Variants in SUPT3H observed in about 807,000 individuals in gnomAD.
SUPT3H encodes the protein SPT3 homolog, SAGA and STAGA complex component, also known as transcription initiation protein SPT3 homolog.
A neutral mutation model predicts 44.3 loss-of-function variants in SUPT3H; 44 were observed. The observed-to-expected ratio is 0.99, with a 90% confidence interval of 0.78 to 1.28. The LOEUF is 1.28. Ranked by LOEUF, SUPT3H falls within the 50% of genes most tolerant of loss-of-function variation. SUPT3H has a pLI of 0.00. For missense variants in SUPT3H, 380 were observed against 387.1 expected (o/e 0.98, Z 0.15); for synonymous variants, 124 against 125.6 (o/e 0.99, Z 0.09).
At chr6:45,097,000 CAA>C (rs201845016) in intron 3 of SUPT3H, among the ~76,000 whole-genome samples, 2,716 of 152,046 alleles carry the variant, frequency 0.018, 38 homozygotes, top group Non-Finnish European at 0.027. Flanking sequence ...TGCTGTAGGA[CAA>C]AGAGAGTGTA....
At chr6:45,323,045 G>C in intron 2 of SUPT3H, 1 of 864,848 alleles carries the variant, frequency 1.2e-6, no homozygotes, top group South Asian at 1.9e-5. Flanking sequence ...TGATATTCAT[G>C]TTTAAATTAT....
intron 10 of SUPT3H, among the ~76,000 whole-genome samples, chr6:44,894,531 T>C (rs1465616707): frequency 2.6e-5 from 4 of 152,276 alleles, no homozygotes; most frequent in Non-Finnish European, 4.4e-5. Context: ...CAGATAGTTG[T>C]AGATATGCGG....
At chr6:45,119,247 T>C (rs536259776) in intron 2 of SUPT3H, among the ~76,000 whole-genome samples, 2 of 152,362 alleles carry the variant, frequency 1.3e-5, no homozygotes, top group South Asian at 4.1e-4. Flanking sequence ...TATAGTTATG[T>C]AGTTACATAG....
At chr6:44,927,586 AGTATGCAAAACCTAGCTG>A (rs1206430501) in intron 10 of SUPT3H, among the ~76,000 whole-genome samples, 1 of 152,236 alleles carries the variant, frequency 6.6e-6, no homozygotes, top group Non-Finnish European at 1.5e-5. Context: ...CCACAGAGCT[AGTATGCAAAACCTAGCTG>A]GTATGCAAAA....
At chr6:45,339,897 T>C (rs764464694) in intron 2 of SUPT3H, among the ~76,000 whole-genome samples, 105 of 152,328 alleles carry the variant, frequency 6.9e-4, no homozygotes, top group Non-Finnish European at 1.3e-3. Flanking sequence ...TACCGGGTAC[T>C]ATGCTAAGCC....
In SUPT3H at chr6:44,999,103, T is replaced by C. The variant is rs534332210; in HGVS notation, c.504+4550A>G. ...TTCCGTTATTACTTTCTAGGTTTTC[T>C]TTCCATTCTGGTAAAGTAATATGCC... On this transcript the variant is annotated intron_variant, in intron 6 of 10. Coordinates refer to ENST00000371459, the MANE Select transcript of SUPT3H (RefSeq NM_003599.4). Among the ~76,000 whole-genome samples the C allele has an allele frequency of 7.9e-5, 12 of 152,228 alleles. No individual in the cohort carries two copies. The East Asian group carries it at 2.1e-3, about 27-fold the overall frequency.
At position 45,100,541 on chromosome 6, in the gene SUPT3H, TAAAAAAA is replaced by T. The variant is rs58120512; in HGVS notation, c.186+5374_186+5380del. Among the ~76,000 whole-genome samples the T allele has an allele frequency of 4.1e-3, 138 of 33,454 alleles. 5 individuals carry two copies. Among genetic ancestry groups the T allele is most frequent in the African/African-American group, 0.022 (123 of 5,658 alleles). 21.9% of individuals were successfully genotyped at this position (33,454 alleles called of 152,430 possible). A position where few individuals can be genotyped will look rare whatever the true frequency, so the allele number is the denominator to read the frequency against. ...GGGCATCATAGCAAGACCCTGTACTTAAAAAAAAAAAAAAAAAAAAAAAGACACACAA... is the reference window on the plus strand; with the variant it reads ...GGGCATCATAGCAAGACCCTGTACTTAAAAAAAAAAAAAAAAGACACACAA... On this transcript the variant is annotated intron_variant, in intron 3 of 10. Transcript: ENST00000371459.
In SUPT3H at chr6:45,367,362, C is replaced by A. The variant is rs566145693; in HGVS notation, c.1-2061G>T. 1.1e-3 allele frequency among the ~76,000 whole-genome samples: 169 copies of A among 151,888 alleles called. 2 individuals carry two copies. The highest frequency in any genetic ancestry group is 3.8e-3 in the African/African-American group (156 of 41,426). On this transcript the variant is annotated intron_variant, in intron 1 of 10. Coordinates refer to ENST00000371459, the MANE Select transcript of SUPT3H (RefSeq NM_003599.4). ...AAGAAAGACCATCGCTTTTTTTAAGCCTAAATTTGTGCCATTGTTTAAAAA... is the reference window on the plus strand; with the variant it reads ...AAGAAAGACCATCGCTTTTTTTAAGACTAAATTTGTGCCATTGTTTAAAAA...
intron 10 of SUPT3H, among the ~76,000 whole-genome samples, chr6:44,870,012 C>G (rs1250312605): frequency 2.0e-5 from 3 of 152,182 alleles, no homozygotes; most frequent in Non-Finnish European, 4.4e-5. Flanking sequence ...GGTACCCAAA[C>G]ACCTATAACC....
At chr6:45,083,214 C>T (rs555342530) in intron 3 of SUPT3H, among the ~76,000 whole-genome samples, 8 of 150,376 alleles carry the variant, frequency 5.3e-5, no homozygotes, top group African/African-American at 1.5e-4. Context: ...ATTTTTCAGA[C>T]GGAGTCTCAC....
intron 10 of SUPT3H, among the ~76,000 whole-genome samples, chr6:44,929,834 C>A (rs1408404966): frequency 6.6e-6 from 1 of 151,284 alleles, no homozygotes; most frequent in South Asian, 2.1e-4. Flanking sequence ...GCGTTATTGA[C>A]ACACACAGTC....
chr6:44,917,031 G>A (rs1767919387), intron 10 of SUPT3H, among the ~76,000 whole-genome samples: 1 of 151,946 alleles, frequency 6.6e-6, no homozygotes, highest in South Asian at 2.1e-4. Flanking sequence ...GTATACGTCT[G>A]TAGTCCCAGC....
At chr6:44,943,009 A>G (rs1253587748) in intron 9 of SUPT3H, among the ~76,000 whole-genome samples, 3 of 152,196 alleles carry the variant, frequency 2.0e-5, no homozygotes, top group African/African-American at 7.2e-5. Flanking sequence ...CAAAATTACC[A>G]GACATGCAAA....
chr6:45,325,979 C>A (rs939788872), intron 2 of SUPT3H, among the ~76,000 whole-genome samples: 3 of 151,772 alleles, frequency 2.0e-5, no homozygotes, highest in East Asian at 1.9e-4. Context: ...ATTTGATAGG[C>A]CTCACAGAGG....
intron 2 of SUPT3H, among the ~76,000 whole-genome samples, chr6:45,311,686 A>T (rs575115333): frequency 3.9e-5 from 6 of 152,326 alleles, no homozygotes; most frequent in African/African-American, 1.4e-4. Context: ...AACAATCTTC[A>T]GCCAAGAATT....
chr6:44,997,902 ATTC>A (rs1414091244), intron 6 of SUPT3H, among the ~76,000 whole-genome samples: 1 of 151,872 alleles, frequency 6.6e-6, no homozygotes, highest in African/African-American at 2.4e-5. Flanking sequence ...TCATATGGTT[ATTC>A]TTATTTGACC....
intron 2 of SUPT3H, among the ~76,000 whole-genome samples, chr6:45,144,462 T>C (rs1805711510): frequency 6.6e-6 from 1 of 152,116 alleles, no homozygotes; most frequent in Non-Finnish European, 1.5e-5. Context: ...CATCCCTTTA[T>C]GATGAAAACC....
intron 3 of SUPT3H, among the ~76,000 whole-genome samples, chr6:45,101,597 T>C (rs1242156399): frequency 2.0e-5 from 3 of 152,222 alleles, no homozygotes; most frequent in East Asian, 1.9e-4. Flanking sequence ...GTAGTGACTA[T>C]AATAGTAACA....
chr6:44,926,193 ACT>A, intron 10 of SUPT3H, among the ~76,000 whole-genome samples: 1 of 151,994 alleles, frequency 6.6e-6, no homozygotes, highest in East Asian at 1.9e-4. Context: ...TATTATAGAA[ACT>A]CTCATTCCAT....
Sources: allele counts gnomAD v4.1 joint callset (sites outside exome capture counted in the v4.1 genomes callset), GRCh38; gene constraint gnomAD v4.1.1; transcripts MANE v1.5; gene names NCBI Gene and HGNC (gene_info 2026-07-23, HGNC 2026-07-21).